Variants in ATP8A2 observed in about 807,000 individuals in gnomAD.
ATP8A2 encodes ATPase phospholipid transporting 8A2.
In ATP8A2, 100 loss-of-function variants were observed where a neutral mutation model predicts 165.6. The ratio of observed to expected loss-of-function variants is 0.60; its 90% confidence interval spans 0.51 to 0.71. The LOEUF (loss-of-function observed/expected upper bound fraction) is 0.71. ATP8A2 is among the 30% of genes least tolerant of loss of function. The pLI, the probability that ATP8A2 is intolerant of heterozygous loss-of-function variation, is 0.00. For missense variants in ATP8A2, 1,227 were observed against 1,479.5 expected, an observed-to-expected ratio of 0.83 and a Z score of 2.80; for synonymous variants, 543 against 548.8, an observed-to-expected ratio of 0.99 and a Z score of 0.15.
intron 33 of ATP8A2, among the ~76,000 whole-genome samples, chr13:25,931,120 CT>C (rs1339497718): frequency 7.9e-5 from 12 of 152,204 alleles, no homozygotes; most frequent in African/African-American, 2.7e-4. Flanking sequence ...CAGAAACTTT[CT>C]GAGACCTGAC....
chr13:25,661,445 TTTTGATTGTCA>T, intron 24 of ATP8A2, among the ~76,000 whole-genome samples: 1 of 152,348 alleles, frequency 6.6e-6, no homozygotes, highest in South Asian at 2.1e-4. Flanking sequence ...CAATTTTTGT[TTTTGATTGTCA>T]TTACTTATAT....
chr13:25,949,379 G>A (rs928050807), intron 33 of ATP8A2, among the ~76,000 whole-genome samples: 2 of 152,310 alleles, frequency 1.3e-5, no homozygotes, highest in Middle Eastern at 3.4e-3. Context: ...AATACTGCGC[G>A]TTGACATTGA....
intron 33 of ATP8A2, among the ~76,000 whole-genome samples, chr13:25,906,511 C>T (rs539053776): frequency 6.7e-4 from 102 of 152,200 alleles, no homozygotes; most frequent in African/African-American, 2.4e-3. Context: ...GTGGGGTCTC[C>T]TGTCTCCTCT....
intron 24 of ATP8A2, among the ~76,000 whole-genome samples, chr13:25,696,628 C>T (rs2042839798): frequency 6.6e-6 from 1 of 152,188 alleles, no homozygotes; most frequent in Non-Finnish European, 1.5e-5. Flanking sequence ...AAGGCTCAGA[C>T]TTAACACAGC....
In ATP8A2 at chr13:25,558,973, G is replaced by A; in HGVS notation, c.1264G>A (p.Val422Met). ...TSNLNEELGQ[V>M]KYLFSDKTGT... ...ATATTTCTTTTATTCTTTGGTTTAG[G>A]TGAAATATCTCTTTTCTGACAAGAC... Residue 422 changes from valine (V) to methionine (M), a missense_variant and splice_region_variant, in exon 14 of 37, where the codon GTG becomes ATG. Val to Met is a conservative substitution (Grantham distance 21). Transcript: ENST00000381655. 1 of 1,595,402 alleles carries A rather than the reference G, an allele frequency of 6.3e-7. No homozygotes were observed. The highest frequency in any genetic ancestry group is 8.6e-7 in the Non-Finnish European group (1 of 1,167,636).
At chr13:25,912,613 A>G (rs1176044166) in intron 33 of ATP8A2, among the ~76,000 whole-genome samples, 1 of 152,222 alleles carries the variant, frequency 6.6e-6, no homozygotes, top group African/African-American at 2.4e-5. Context: ...ATTATTCCAC[A>G]TTGTATTCGT....
chr13:25,783,468 C>G (rs2044939002), intron 27 of ATP8A2, among the ~76,000 whole-genome samples: 1 of 152,244 alleles, frequency 6.6e-6, no homozygotes, highest in African/African-American at 2.4e-5. Context: ...ACAAGAGGAA[C>G]AGGACAGTCC....
In ATP8A2 at chr13:25,372,324, C is replaced by G. The variant is rs749638137; in HGVS notation, c.76+36C>G. 20 of 1,344,326 alleles carry G rather than the reference C, an allele frequency of 1.5e-5. No homozygotes were observed. In the South Asian group the frequency reaches 2.1e-4, roughly 14 times the overall value. 83.3% of individuals were successfully genotyped at this position (1,344,326 alleles called of 1,614,324 possible). A position where few individuals can be genotyped will look rare whatever the true frequency, so the allele number is the denominator to read the frequency against. ...AGGGGCGCGGCGAGGGAGGGTGGGC[C>G]CGGGGCGGGGGCGGCGCGGGGCGCG... On this transcript the variant is annotated intron_variant, in intron 1 of 36. Transcript: ENST00000381655. The surrounding 1 kb of genome is among the most constrained non-coding windows in gnomAD (Gnocchi z 4.8).
At chr13:25,915,794 T>C (rs1271671283) in intron 33 of ATP8A2, among the ~76,000 whole-genome samples, 2 of 152,242 alleles carry the variant, frequency 1.3e-5, no homozygotes, top group African/African-American at 4.8e-5. Context: ...TTACTTGCTT[T>C]TGCAACTGCA....
intron 15 of ATP8A2, among the ~76,000 whole-genome samples, chr13:25,563,607 C>T (rs980498237): frequency 6.6e-6 from 1 of 152,114 alleles, no homozygotes; most frequent in Admixed American, 6.5e-5. Flanking sequence ...GTTTTATTTG[C>T]TGTGAGCAGA....
chr13:25,642,951 A>G (rs2041570979), intron 24 of ATP8A2, among the ~76,000 whole-genome samples: 1 of 152,156 alleles, frequency 6.6e-6, no homozygotes, highest in African/African-American at 2.4e-5. Flanking sequence ...TTCTCAGCAA[A>G]CTATAGCAAG....
At chr13:25,759,877 G>A (rs1593304328) in intron 25 of ATP8A2, among the ~76,000 whole-genome samples, 1 of 152,170 alleles carries the variant, frequency 6.6e-6, no homozygotes, top group Admixed American at 6.5e-5. Flanking sequence ...ACATCATTTA[G>A]TAGAGATGTC....
At chr13:25,666,281 G>A (rs756580094) in intron 24 of ATP8A2, among the ~76,000 whole-genome samples, 2 of 151,942 alleles carry the variant, frequency 1.3e-5, no homozygotes, top group Admixed American at 6.6e-5. Flanking sequence ...CACAATCTTG[G>A]CTCACTGCAA....
intron 13 of ATP8A2, among the ~76,000 whole-genome samples, chr13:25,556,861 G>A (rs1566263954): frequency 6.6e-6 from 1 of 152,130 alleles, no homozygotes; most frequent in African/African-American, 2.4e-5. Context: ...TTCCCTGCCT[G>A]GTGAAGGAAT....
chr13:25,636,060 G>C (rs1328382196), intron 24 of ATP8A2, among the ~76,000 whole-genome samples: 1 of 152,170 alleles, frequency 6.6e-6, no homozygotes, highest in South Asian at 2.1e-4. Context: ...AGTGGTGCCA[G>C]GATCAAGGAC....
intron 33 of ATP8A2, among the ~76,000 whole-genome samples, chr13:25,878,328 T>TC (rs1197508827): frequency 1.3e-5 from 2 of 152,124 alleles, no homozygotes; most frequent in East Asian, 3.9e-4. Context: ...CACATTGGCC[T>TC]CCCAGTGTTA....
chr13:25,678,331 G>T (rs557673247), intron 24 of ATP8A2, among the ~76,000 whole-genome samples: 4 of 152,168 alleles, frequency 2.6e-5, no homozygotes, highest in African/African-American at 9.7e-5. Context: ...TGGGGAGAAG[G>T]GTAGAGGCAC....
chr13:25,896,464 A>G (rs1425724994), intron 33 of ATP8A2, among the ~76,000 whole-genome samples: 2 of 152,220 alleles, frequency 1.3e-5, no homozygotes, highest in South Asian at 2.1e-4. Flanking sequence ...TATGTGGTCA[A>G]TTTTGGAATA....
rs1320358569 is a variant in ATP8A2 at position 25,651,906 on chromosome 13, CT to C, written c.2212-47263del. Among the ~76,000 whole-genome samples, 3 of 151,450 alleles carry C rather than the reference CT, an allele frequency of 2.0e-5. No individual in the cohort carries two copies. In the East Asian group the frequency reaches 5.8e-4, roughly 29 times the overall value. On this transcript the variant is annotated intron_variant, in intron 24 of 36. Transcript: ENST00000381655. ...TTTTTGTTTATAATTTTGTTTATTA[CT>C]TTTGTACTTAGAATCATCCTTTATT...
Sources: gnomAD v4.1 joint callset for allele counts (sites outside exome capture counted in the v4.1 genomes callset) on GRCh38, gnomAD v4.1.1 for gene constraint, Gnocchi (gnomAD v3.1) non-coding constraint, MANE v1.5 for transcripts, NCBI Gene and HGNC (gene_info 2026-07-23, HGNC 2026-07-21) for gene names.